Variants in SLC9B2 observed in about 807,000 individuals in gnomAD.
SLC9B2 encodes the protein solute carrier family 9 member B2.
In SLC9B2, 39 loss-of-function variants were observed where a neutral mutation model predicts 52.2. The observed-to-expected ratio is 0.75, with a 90% CI of 0.58 to 0.98. The LOEUF is 0.98. Ranked by LOEUF, SLC9B2 falls within the 50% of genes least tolerant of loss-of-function variation. SLC9B2 has a pLI of 0.00. For missense variants in SLC9B2, 626 were observed against 637.5 expected, an observed-to-expected ratio of 0.98 and a Z score of 0.19; for synonymous variants, 214 against 227.0, an observed-to-expected ratio of 0.94 and a Z score of 0.51.
At chr4:103,074,171 C>T (rs778106056) in intron 1 of SLC9B2, among the ~76,000 whole-genome samples, 2 of 152,128 alleles carry the variant, frequency 1.3e-5, no homozygotes, top group Admixed American at 6.5e-5. Flanking sequence ...TTTCTTGGGA[C>T]AATTCTAGCA....
At chr4:103,066,923 T>C (rs1474389688) in intron 2 of SLC9B2, among the ~76,000 whole-genome samples, 1 of 151,742 alleles carries the variant, frequency 6.6e-6, no homozygotes, top group East Asian at 1.9e-4. Flanking sequence ...ATATGAAACA[T>C]AAATAAATTT....
rs1256230429 is a variant in SLC9B2 at position 103,028,836 on chromosome 4, T to G, written c.1303A>C (p.Thr435Pro). The G allele has an allele frequency of 6.2e-7, 1 of 1,609,104 alleles. No homozygotes were observed. Among genetic ancestry groups the G allele is most frequent in the South Asian group, 1.1e-5 (1 of 90,188 alleles). The change falls in exon 11 of 12, where the codon ACT becomes CCT. Residue 435 changes from threonine to proline, a missense_variant. Transcript: ENST00000394785. Reference sequence around the variant, plus strand: ...GCAAAACACACCATCAGAAATGTAGTCAAAATTCGTATCAATACTGCAATG... The same window carrying G: ...GCAAAACACACCATCAGAAATGTAGGCAAAATTCGTATCAATACTGCAATG... ...VGIAVLIRILTTFLMVCFAGF... is the reference protein window; with the variant it reads ...VGIAVLIRILPTFLMVCFAGF...
At chr4:103,057,295 T>TATATATACACAC (rs1560555252) in intron 4 of SLC9B2, among the ~76,000 whole-genome samples, 4 of 145,960 alleles carry the variant, frequency 2.7e-5, no homozygotes, top group African/African-American at 7.8e-5. Context: ...CACACATATA[T>TATATATACACAC]ACACACACAC....
intron 9 of SLC9B2, chr4:103,042,278 A>T (rs151180276): frequency 1.1e-4 from 17 of 152,242 alleles, no homozygotes; most frequent in African/African-American, 4.1e-4. Context: ...AGTTGTCTTC[A>T]GGCTTTGTAA....
chr4:103,072,090 G>C (rs578166467), intron 1 of SLC9B2, among the ~76,000 whole-genome samples: 8 of 103,452 alleles, frequency 7.7e-5, no homozygotes, highest in Non-Finnish European at 1.2e-4. Flanking sequence ...GTGGAGTTTC[G>C]CTCTTTTGCC....
intron 4 of SLC9B2, among the ~76,000 whole-genome samples, chr4:103,057,273 T>TATATATAC (rs1220375909): frequency 7.8e-4 from 112 of 143,246 alleles, no homozygotes; most frequent in Non-Finnish European, 9.6e-4. Context: ...TATATATATA[T>TATATATAC]ACACACACAC....
rs1161553902 is a variant in SLC9B2, at chr4:103,024,836, G to C, written c.*1534C>G. ...ATGAGTGATACACAAAAGCAGAGAT[G>C]GCCTGTTACAAAGTAGGATAAAATA... is the stretch of plus-strand genomic sequence containing the variant. On this transcript the variant is annotated 3_prime_UTR_variant, in exon 12 of 12. Transcript: ENST00000394785. Among the ~76,000 whole-genome samples, 1 of 152,178 alleles carries C rather than the reference G, an allele frequency of 6.6e-6. No homozygotes were observed. The highest frequency in any genetic ancestry group is 1.5e-5 in the Non-Finnish European group (1 of 68,038).
chr4:103,025,556 C>T lies in SLC9B2; in HGVS notation c.*814G>A, dbSNP rs546548851. On this transcript the variant is annotated 3_prime_UTR_variant, in exon 12 of 12. Coordinates refer to ENST00000394785, the MANE Select transcript of SLC9B2 (RefSeq NM_178833.7). ...TGTATTTTTTATTTCTTCATTATAG[C>T]ACATTACCCTAATGTAATATTCATA... 1 of 152,110 alleles carries T rather than the reference C, an allele frequency of 6.6e-6. No individual in the cohort carries two copies. The highest frequency in any genetic ancestry group is 1.9e-4 in the East Asian group (1 of 5,188). 9.4% of individuals were successfully genotyped at this position (152,110 alleles called of 1,614,324 possible).
At chr4:103,065,061 A>G (rs1745990893) in intron 3 of SLC9B2, among the ~76,000 whole-genome samples, 1 of 151,800 alleles carries the variant, frequency 6.6e-6, no homozygotes, top group Admixed American at 6.6e-5. Flanking sequence ...TGTCTCCAGG[A>G]AAAAAAAGGT....
At position 103,043,444 on chromosome 4, in the gene SLC9B2, T is replaced by C. The variant is rs1413549995; in HGVS notation, c.998A>G (p.Asp333Gly). 1 of 1,593,222 alleles carries C rather than the reference T, an allele frequency of 6.3e-7. No individual in the cohort carries two copies. The highest frequency in any genetic ancestry group is 2.2e-5 in the East Asian group (1 of 44,692). ...FIQYFPSRDQ[D>G]KLVCKRTFLV... is the part of the protein sequence containing the mutation. ...GAATGTTCTCTTACACACAAGTTTG[T>C]CCTTTAGGAGAAAAAAATTCATTTG... Residue 333 changes from aspartate (D) to glycine (G), a missense_variant and splice_region_variant, in exon 9 of 12, where the codon GAC (aspartate) becomes GGC (glycine). Asp to Gly is a moderately conservative substitution (Grantham distance 94). Transcript: ENST00000394785.
rs1056772950 is a variant in SLC9B2, at chr4:103,025,335, C to T, written c.*1035G>A. On this transcript the variant is annotated 3_prime_UTR_variant, in exon 12 of 12. Coordinates refer to ENST00000394785, the MANE Select transcript of SLC9B2 (RefSeq NM_178833.7). The stretch of plus-strand genomic sequence containing the variant: ...CACTGCTCAAGGTCATTGCCAAGGT[C>T]TGATTTTTCACAAAAAATTTTTGCA... Among the ~76,000 whole-genome samples, 7 of 152,092 alleles carry T rather than the reference C, an allele frequency of 4.6e-5. No individual in the cohort carries two copies. The highest frequency in any genetic ancestry group is 1.2e-4 in the African/African-American group (5 of 41,410).
chr4:103,024,250 T>C lies in SLC9B2; in HGVS notation c.*2120A>G, dbSNP rs1429231788. ...TCAAAAGCTTTCAGTAAGTATTTTT[T>C]GGATGCATCTACTTTTAGAGCCTGC... On this transcript the variant is annotated 3_prime_UTR_variant, in exon 12 of 12. Coordinates refer to ENST00000394785, the MANE Select transcript of SLC9B2 (RefSeq NM_178833.7). Among the ~76,000 whole-genome samples the C allele has an allele frequency of 6.6e-6, 1 of 152,222 alleles. No homozygotes were observed. The highest frequency in any genetic ancestry group is 1.5e-5 in the Non-Finnish European group (1 of 68,030).
chr4:103,027,693 C>T (rs954048453), intron 11 of SLC9B2, among the ~76,000 whole-genome samples: 3 of 152,028 alleles, frequency 2.0e-5, no homozygotes, highest in Non-Finnish European at 2.9e-5. Flanking sequence ...ATGAATGACC[C>T]CTTTCCCTTC....
intron 9 of SLC9B2, among the ~76,000 whole-genome samples, chr4:103,032,814 T>A (rs975452732): frequency 3.9e-5 from 6 of 152,066 alleles, no homozygotes; most frequent in Non-Finnish European, 8.8e-5. Context: ...GGAGGGTAGA[T>A]TTTCAGCAAA....
intron 7 of SLC9B2, among the ~76,000 whole-genome samples, chr4:103,046,535 A>G (rs1744137098): frequency 1.3e-5 from 2 of 152,166 alleles, no homozygotes; most frequent in South Asian, 4.1e-4. Context: ...CATTGCTGTT[A>G]TTACCCATAA....
At chr4:103,056,843 A>G (rs904968250) in intron 4 of SLC9B2, among the ~76,000 whole-genome samples, 5 of 152,234 alleles carry the variant, frequency 3.3e-5, no homozygotes, top group Admixed American at 1.3e-4. Context: ...GTTGCATACT[A>G]TCTGATTCAG....
rs1347749238 is a variant in SLC9B2, at chr4:103,024,023, T to C, written c.*2347A>G. 2.0e-5 allele frequency among the ~76,000 whole-genome samples: 3 copies of C among 152,188 alleles called. No homozygotes were observed. Among genetic ancestry groups the C allele is most frequent in the Admixed American group, 1.3e-4 (2 of 15,274 alleles). ...TTCCCTCAGCCAATGCCCTACTTTCTCTGGGAAGCTGTGCCTAAACTCCAC... is the reference window on the plus strand; with the variant it reads ...TTCCCTCAGCCAATGCCCTACTTTCCCTGGGAAGCTGTGCCTAAACTCCAC... On this transcript the variant is annotated 3_prime_UTR_variant, in exon 12 of 12. Coordinates refer to ENST00000394785, the MANE Select transcript of SLC9B2 (RefSeq NM_178833.7).
intron 3 of SLC9B2, among the ~76,000 whole-genome samples, chr4:103,061,451 T>C (rs912305988): frequency 6.6e-5 from 10 of 152,094 alleles, no homozygotes; most frequent in East Asian, 5.8e-4. Flanking sequence ...TAGGTGGGAA[T>C]TGAACAATGA....
rs905972148 is a variant in SLC9B2 at position 103,076,189 on chromosome 4, A to C, written c.-48T>G. On this transcript the variant is annotated 5_prime_UTR_variant, in exon 1 of 12. Transcript: ENST00000394785. ...GTGTCTCTGGGGCCTCTCACCTGGC[A>C]GTCTCCGGCGAAGTCGACCAGGCTC... is the stretch of plus-strand genomic sequence containing the variant. 1 of 152,414 alleles carries C rather than the reference A, an allele frequency of 6.6e-6. No individual in the cohort carries two copies. The highest frequency in any genetic ancestry group is 2.4e-5 in the African/African-American group (1 of 41,478). The allele number at this position is 152,414 out of a possible 1,614,324, so 9.4% of individuals were successfully genotyped here.
Sources: allele counts gnomAD v4.1 joint callset (sites outside exome capture counted in the v4.1 genomes callset), GRCh38; gene constraint gnomAD v4.1.1; transcripts MANE v1.5; gene names NCBI Gene and HGNC (gene_info 2026-07-23, HGNC 2026-07-21).